FBXL7: variants seen among roughly 807,000 people sequenced by gnomAD.
FBXL7 encodes the protein F-box/LRR-repeat protein 7.
A neutral mutation model predicts 38.3 loss-of-function variants in FBXL7; 12 were observed. The observed-to-expected ratio is 0.31, with a 90% CI of 0.20 to 0.51. FBXL7 has a LOEUF of 0.51. Ranked by LOEUF, FBXL7 falls within the 20% of genes least tolerant of loss-of-function variation. The pLI is 0.98. For synonymous variants in FBXL7, 297 were observed against 300.9 expected, an observed-to-expected ratio of 0.99 and a Z score of 0.13; for missense variants, 567 against 676.4, an observed-to-expected ratio of 0.84 and a Z score of 1.79.
intron 2 of FBXL7, among the ~76,000 whole-genome samples, chr5:15,904,231 C>T (rs866083468): frequency 6.6e-6 from 1 of 152,146 alleles, no homozygotes; most frequent in South Asian, 2.1e-4. Context: ...TTTGTTCCTA[C>T]TCGGTTATCT....
At chr5:15,517,277 A>G (rs1485804849) in intron 1 of FBXL7, among the ~76,000 whole-genome samples, 2 of 152,248 alleles carry the variant, frequency 1.3e-5, no homozygotes, top group East Asian at 3.9e-4. Flanking sequence ...TAAAATAAAG[A>G]GTTGTTTTTG....
rs115465959 is a variant in FBXL7, at chr5:15,809,524, T to C, written c.128-118366T>C. Among the ~76,000 whole-genome samples the C allele has an allele frequency of 7.2e-3, 1,097 of 152,312 alleles. 6 individuals carry two copies. Among genetic ancestry groups the C allele is most frequent in the Middle Eastern group, 0.014 (4 of 294 alleles). On this transcript the variant is annotated intron_variant, in intron 2 of 3. Coordinates refer to ENST00000504595, the MANE Select transcript of FBXL7 (RefSeq NM_012304.5). Reference sequence around the variant, plus strand: ...TAAGGTTTTGGCACTGAGCCTAATATAGAGTGGACATTCAATAACTATTAG... The same window carrying C: ...TAAGGTTTTGGCACTGAGCCTAATACAGAGTGGACATTCAATAACTATTAG...
chr5:15,780,992 A>G (rs562553806), intron 2 of FBXL7, among the ~76,000 whole-genome samples: 1 of 152,144 alleles, frequency 6.6e-6, no homozygotes, highest in Non-Finnish European at 1.5e-5. Flanking sequence ...TGATCTCATT[A>G]TCACTGCCTT....
At chr5:15,659,710 T>A (rs1741996624) in intron 2 of FBXL7, among the ~76,000 whole-genome samples, 1 of 152,200 alleles carries the variant, frequency 6.6e-6, no homozygotes, top group South Asian at 2.1e-4. Flanking sequence ...ACGGTTGAAT[T>A]CTAAAGCACT....
chr5:15,542,768 A>G (rs777678274), intron 1 of FBXL7, among the ~76,000 whole-genome samples: 1 of 152,230 alleles, frequency 6.6e-6, no homozygotes, highest in Non-Finnish European at 1.5e-5. Context: ...TAAATGGGAA[A>G]TTCCTTTCCT....
intron 2 of FBXL7, among the ~76,000 whole-genome samples, chr5:15,775,671 T>C (rs1183404200): frequency 1.3e-5 from 2 of 152,304 alleles, no homozygotes; most frequent in East Asian, 3.8e-4. Flanking sequence ...TTACACATTA[T>C]TGTTTCAGCT....
At chr5:15,781,841 A>G (rs1024871572) in intron 2 of FBXL7, among the ~76,000 whole-genome samples, 1 of 152,082 alleles carries the variant, frequency 6.6e-6, no homozygotes, top group Non-Finnish European at 1.5e-5. Context: ...CTTTTTTAAA[A>G]AATATATACT....
intron 2 of FBXL7, among the ~76,000 whole-genome samples, chr5:15,706,152 T>TA (rs1489998133): frequency 6.6e-6 from 1 of 152,218 alleles, no homozygotes; most frequent in African/African-American, 2.4e-5. Context: ...GTCTAAATCT[T>TA]ACGTTGAATA....
chr5:15,832,222 G>A (rs1030623233), intron 2 of FBXL7, among the ~76,000 whole-genome samples: 12 of 152,282 alleles, frequency 7.9e-5, no homozygotes, highest in Admixed American at 2.0e-4. Flanking sequence ...AGTACATGGA[G>A]GAAGCTATTT....
At chr5:15,894,952 A>G (rs1374138492) in intron 2 of FBXL7, among the ~76,000 whole-genome samples, 11 of 152,220 alleles carry the variant, frequency 7.2e-5, no homozygotes, top group Non-Finnish European at 1.5e-4. Flanking sequence ...AAGCCTTCCA[A>G]ACAGTTTAAT....
chr5:15,724,276 ATACTT>A (rs1744280812), intron 2 of FBXL7, among the ~76,000 whole-genome samples: 1 of 152,160 alleles, frequency 6.6e-6, no homozygotes, highest in African/African-American at 2.4e-5. Context: ...TTATTTCAAA[ATACTT>A]TATATTTTTG....
rs989742273 is a variant in FBXL7, at chr5:15,634,292, T to C, written c.127+18220T>C. Among the ~76,000 whole-genome samples, 401 of 147,518 alleles carry C rather than the reference T, an allele frequency of 2.7e-3. 2 individuals are homozygous for C. The highest frequency in any genetic ancestry group is 9.3e-3 in the African/African-American group (379 of 40,556). ...TCTATTATTGCATAACAAATCAACC[T>C]AAAACTTTATATGTTCGTTTCTTTT... On this transcript the variant is annotated intron_variant, in intron 2 of 3. Coordinates refer to ENST00000504595, the MANE Select transcript of FBXL7 (RefSeq NM_012304.5).
intron 2 of FBXL7, among the ~76,000 whole-genome samples, chr5:15,850,533 G>C (rs758535200): frequency 1.3e-5 from 2 of 152,176 alleles, no homozygotes; most frequent in South Asian, 2.1e-4. Flanking sequence ...AAAGGTAGAA[G>C]GGCCTTTTAA....
intron 2 of FBXL7, among the ~76,000 whole-genome samples, chr5:15,669,415 T>A (rs570235690): frequency 1.2e-4 from 19 of 152,286 alleles, no homozygotes; most frequent in Admixed American, 1.2e-3. Flanking sequence ...AACAGTGCAT[T>A]TATCCCAGAG....
chr5:15,643,377 A>G (rs1181171732), intron 2 of FBXL7, among the ~76,000 whole-genome samples: 1 of 152,200 alleles, frequency 6.6e-6, no homozygotes, highest in Non-Finnish European at 1.5e-5. Flanking sequence ...CCATACTTGG[A>G]TTTGTAGTTC....
chr5:15,500,407 G>T lies in FBXL7; in HGVS notation c.-270G>T, dbSNP rs1422658047. On this transcript the variant is annotated 5_prime_UTR_variant, in exon 1 of 4. Transcript: ENST00000504595. ...GGCGGCCCCGGGGCGCGGGCTGTGC[G>T]CGGCGCTGCGCCCGCCGGCCCCCAG... is the stretch of plus-strand genomic sequence containing the variant. 1 of 329,498 alleles carries T rather than the reference G, an allele frequency of 3.0e-6. No homozygotes were observed. The highest frequency in any genetic ancestry group is 2.3e-5 in the African/African-American group (1 of 44,366). 20.4% of individuals were successfully genotyped at this position (329,498 alleles called of 1,614,324 possible).
chr5:15,628,081 G>A (rs548463458), intron 2 of FBXL7, among the ~76,000 whole-genome samples: 29 of 152,260 alleles, frequency 1.9e-4, no homozygotes, highest in Non-Finnish European at 3.1e-4. Context: ...GAATTGTAAC[G>A]GGTGAAGTCT....
chr5:15,755,394 CTG>C (rs1736268772), intron 2 of FBXL7, among the ~76,000 whole-genome samples: 2 of 151,944 alleles, frequency 1.3e-5, no homozygotes, highest in Admixed American at 6.6e-5. Flanking sequence ...TAGCTTTGCT[CTG>C]TGTGTGTGCG....
intron 2 of FBXL7, among the ~76,000 whole-genome samples, chr5:15,712,622 GAAGAAAATTTCT>G (rs1743911706): frequency 1.3e-5 from 2 of 151,638 alleles, no homozygotes; most frequent in South Asian, 4.2e-4. Context: ...TCAAAATTTA[GAAGAAAATTTCT>G]ATGGAGCCTA....
Sources: gnomAD v4.1 joint callset for allele counts (sites outside exome capture counted in the v4.1 genomes callset) on GRCh38, gnomAD v4.1.1 for gene constraint, MANE v1.5 for transcripts, NCBI Gene and HGNC (gene_info 2026-07-23, HGNC 2026-07-21) for gene names.